Variants in KRABD5 observed in about 807,000 individuals in gnomAD.
KRABD5 encodes KRAB domain-containing protein 5.
the KRABD5 span, among the ~76,000 whole-genome samples, chr16:31,722,097 G>A: frequency 6.6e-6 from 1 of 151,796 alleles, no homozygotes; most frequent in Non-Finnish European, 1.5e-5. Flanking sequence ...TTTTTGAGAC[G>A]GAATTTCGCT....
chr16:31,729,078 A>G, the KRABD5 span, among the ~76,000 whole-genome samples: 2 of 152,182 alleles, frequency 1.3e-5, no homozygotes, highest in Non-Finnish European at 2.9e-5. Flanking sequence ...TGTTTTGTCT[A>G]ATGTAAGTAT....
the KRABD5 span, among the ~76,000 whole-genome samples, chr16:31,746,331 A>G: frequency 6.6e-6 from 1 of 152,048 alleles, no homozygotes; most frequent in South Asian, 2.1e-4. Flanking sequence ...ATCCCTCAGC[A>G]TTTGCTTGTC....
At chr16:31,729,554 C>G in the KRABD5 span, among the ~76,000 whole-genome samples, 1 of 152,228 alleles carries the variant, frequency 6.6e-6, no homozygotes, top group African/African-American at 2.4e-5. Context: ...AGTCCCACTT[C>G]TTAATTCTAT....
At chr16:31,753,833 G>A in the KRABD5 span, 7 of 1,549,794 alleles carry the variant, frequency 4.5e-6, no homozygotes, top group Non-Finnish European at 6.1e-6. Context: ...TCCAAAAAGT[G>A]ATATTGGATG....
At chr16:31,757,947 TTAGATAGA>T in the KRABD5 span, 16 of 150,922 alleles carry the variant, frequency 1.1e-4, no homozygotes, top group South Asian at 1.9e-3. Context: ...GGATGGATAG[TTAGATAGA>T]TAGATAGATA....
the KRABD5 span, chr16:31,722,759 A>T: frequency 2.5e-4 from 388 of 1,576,402 alleles, no homozygotes; most frequent in Non-Finnish European, 3.1e-4. Flanking sequence ...CTGGGTGAGG[A>T]TAACTTGCCT....
At chr16:31,729,542 A>G in the KRABD5 span, among the ~76,000 whole-genome samples, 1 of 152,218 alleles carries the variant, frequency 6.6e-6, no homozygotes, top group Admixed American at 6.5e-5. Context: ...TCACTTCTTA[A>G]AAGTCCCACT....
the KRABD5 span, among the ~76,000 whole-genome samples, chr16:31,751,333 A>AT: frequency 1.3e-5 from 2 of 152,098 alleles, no homozygotes; most frequent in African/African-American, 4.8e-5. Context: ...CCCTTCTTAT[A>AT]TTTTGGAATA....
At chr16:31,722,630 T>TCAACA in the KRABD5 span, 1 of 1,613,228 alleles carries the variant, frequency 6.2e-7, no homozygotes, top group East Asian at 2.2e-5. Flanking sequence ...TTTCAGGGAC[T>TCAACA]GTTGACATTC....
At chr16:31,717,152 C>T in the KRABD5 span, among the ~76,000 whole-genome samples, 1 of 152,000 alleles carries the variant, frequency 6.6e-6, no homozygotes. Flanking sequence ...CCTGCCACCA[C>T]ACAGGGCTAG....
the KRABD5 span, among the ~76,000 whole-genome samples, chr16:31,751,529 G>A: frequency 1.2e-4 from 19 of 152,202 alleles, no homozygotes; most frequent in South Asian, 2.5e-3. Flanking sequence ...GTGTTTCTAG[G>A]AATTTATCCA....
At chr16:31,729,856 C>T in the KRABD5 span, among the ~76,000 whole-genome samples, 1 of 151,686 alleles carries the variant, frequency 6.6e-6, no homozygotes, top group African/African-American at 2.4e-5. Flanking sequence ...CATCATATAA[C>T]AGCCTAGTTT....
At chr16:31,749,396 T>C in the KRABD5 span, among the ~76,000 whole-genome samples, 1 of 152,354 alleles carries the variant, frequency 6.6e-6, no homozygotes, top group East Asian at 1.9e-4. Flanking sequence ...TATGCAGTTG[T>C]GAGCCCCAGT....
chr16:31,713,971 A>T, the KRABD5 span, among the ~76,000 whole-genome samples: 1 of 152,220 alleles, frequency 6.6e-6, no homozygotes, highest in South Asian at 2.1e-4. Flanking sequence ...AGAAATAGGG[A>T]CAATCTCTCT....
the KRABD5 span, among the ~76,000 whole-genome samples, chr16:31,721,437 T>C: frequency 6.6e-6 from 1 of 151,774 alleles, no homozygotes; most frequent in Non-Finnish European, 1.5e-5. Context: ...GAATTCTAAG[T>C]TAGATACTGG....
At chr16:31,722,608 T>G in the KRABD5 span, 1 of 1,612,330 alleles carries the variant, frequency 6.2e-7, no homozygotes, top group South Asian at 1.1e-5. Flanking sequence ...GTCAATGTGC[T>G]ATTTATTTTT....
chr16:31,716,674 C>T, the KRABD5 span, among the ~76,000 whole-genome samples: 1 of 152,170 alleles, frequency 6.6e-6, no homozygotes, highest in African/African-American at 2.4e-5. Flanking sequence ...GCCACCATGC[C>T]TGGCCCACAA....
the KRABD5 span, among the ~76,000 whole-genome samples, chr16:31,726,874 T>G: frequency 6.6e-6 from 1 of 152,232 alleles, no homozygotes; most frequent in African/African-American, 2.4e-5. Flanking sequence ...CTTTGTGTAG[T>G]GTGGACATTT....
the KRABD5 span, among the ~76,000 whole-genome samples, chr16:31,751,446 G>T: frequency 6.6e-6 from 1 of 152,100 alleles, no homozygotes; most frequent in Admixed American, 6.6e-5. Context: ...TTTTATTACT[G>T]ATTCAGTATC....
Sources: gnomAD v4.1 joint callset for allele counts (sites outside exome capture counted in the v4.1 genomes callset) on GRCh38, gnomAD v4.1.1 for gene constraint, MANE v1.5 for transcripts, NCBI Gene and HGNC (gene_info 2026-07-23, HGNC 2026-07-21) for gene names.